The following GPLD1 variants were observed in gnomAD, a reference collection of about 807,000 sequenced individuals.
GPLD1 encodes glycosylphosphatidylinositol specific phospholipase D1.
Under a neutral mutation model 112.6 loss-of-function variants are expected in GPLD1, and 84 were observed. That is an observed-to-expected ratio of 0.75 (90% CI 0.63 to 0.89). The LOEUF (loss-of-function observed/expected upper bound fraction) is 0.89. GPLD1 is among the 40% of genes least tolerant of loss of function. The pLI is 0.00. For synonymous variants in GPLD1, 386 were observed against 403.8 expected, an observed-to-expected ratio of 0.96 and a Z score of 0.53; for missense variants, 1,044 against 1,051.5, an observed-to-expected ratio of 0.99 and a Z score of 0.10.
At chr6:24,437,447 CT>C (rs1762617354) in intron 20 of GPLD1, among the ~76,000 whole-genome samples, 158 bp from the exon 21 acceptor site, 1 of 152,222 alleles carries the variant, frequency 6.6e-6, no homozygotes, top group Non-Finnish European at 1.5e-5. Context: ...GTACAACCAG[CT>C]TGGGCACCAA....
rs889509966 is a variant in GPLD1 at position 24,426,394 on chromosome 6, A to G, written c.*2638T>C. On this transcript the variant is annotated 3_prime_UTR_variant, in exon 25 of 25. Coordinates refer to ENST00000230036, the MANE Select transcript of GPLD1 (RefSeq NM_001503.4). Reference sequence around the variant, plus strand: ...ATGCCAGGTTTTTTACATACGTGCCATATCAGTTGACCTTTTACAGTAGGA... The same window carrying G: ...ATGCCAGGTTTTTTACATACGTGCCGTATCAGTTGACCTTTTACAGTAGGA... Among the ~76,000 whole-genome samples the G allele has an allele frequency of 1.3e-5, 2 of 152,218 alleles. No homozygotes were observed. The highest frequency in any genetic ancestry group is 2.9e-5 in the Non-Finnish European group (2 of 68,042).
intron 22 of GPLD1, 22 bp from the exon 23 acceptor site, chr6:24,433,411 A>C: frequency 6.4e-7 from 1 of 1,565,984 alleles, no homozygotes; most frequent in Non-Finnish European, 8.8e-7. Flanking sequence ...AATTGAGGAG[A>C]GAGACAATGT....
intron 12 of GPLD1, among the ~76,000 whole-genome samples, chr6:24,457,607 G>C (rs1763308696): frequency 6.6e-6 from 1 of 152,144 alleles, no homozygotes; most frequent in Non-Finnish European, 1.5e-5. Flanking sequence ...GACCGGCCAG[G>C]CGTGGTGGCT....
chr6:24,472,540 T>G, intron 7 of GPLD1, 42 bp downstream of exon 7: 5 of 1,140,654 alleles, frequency 4.4e-6, no homozygotes, highest in African/African-American at 1.5e-5. Flanking sequence ...AGGCTCTAAA[T>G]GCCACTTAGA....
chr6:24,428,781 TA>T lies in GPLD1; in HGVS notation c.*250del, dbSNP rs1243804671. 1 of 354,278 alleles carries T rather than the reference TA, an allele frequency of 2.8e-6. No individual in the cohort carries two copies. The highest frequency in any genetic ancestry group is 4.7e-5 in the East Asian group (1 of 21,322). The allele number at this position is 354,278 out of a possible 1,614,324, so 21.9% of individuals were successfully genotyped here. On this transcript the variant is annotated 3_prime_UTR_variant, in exon 25 of 25. Coordinates refer to ENST00000230036, the MANE Select transcript of GPLD1 (RefSeq NM_001503.4). ...TTTAGATGCAAAGGGAGCGAGGAAG[TA>T]AACTGTGGAAGGAGACATGAGTAAG...
chr6:24,430,567 A>T (rs1341545887), intron 24 of GPLD1, among the ~76,000 whole-genome samples: 1 of 150,908 alleles, frequency 6.6e-6, no homozygotes, highest in East Asian at 1.9e-4. Flanking sequence ...CAGCCCCATG[A>T]GAAGTTTCTG....
chr6:24,441,995 CACAT>C (rs1386088736), intron 20 of GPLD1, among the ~76,000 whole-genome samples: 1 of 147,704 alleles, frequency 6.8e-6, no homozygotes, highest in Non-Finnish European at 1.5e-5. Flanking sequence ...TATATATAGA[CACAT>C]ACATGTATAT....
rs1581720553 is a variant in GPLD1 at position 24,427,776 on chromosome 6, G to A, written c.*1256C>T. 6.6e-6 allele frequency among the ~76,000 whole-genome samples: 1 copy of A among 150,786 alleles called. No homozygotes were observed. Among genetic ancestry groups the A allele is most frequent in the African/African-American group, 2.4e-5 (1 of 40,836 alleles). Reference sequence around the variant, plus strand: ...CAGGAGAATCACTTGAACCTGGGAGGCGGAGGTTGCAGTGAGCTGAGATCA... The same window carrying A: ...CAGGAGAATCACTTGAACCTGGGAGACGGAGGTTGCAGTGAGCTGAGATCA... On this transcript the variant is annotated 3_prime_UTR_variant, in exon 25 of 25. Transcript: ENST00000230036.
intron 6 of GPLD1, 131 bp from the exon 7 acceptor site, chr6:24,472,767 G>C (rs1199305389): frequency 3.2e-6 from 2 of 624,228 alleles, no homozygotes; most frequent in Middle Eastern, 3.3e-4. Context: ...CATTGTTTTA[G>C]GTAAAGGCAT....
At chr6:24,475,688 CAAAAAAAA>C (rs35291266) in intron 4 of GPLD1, among the ~76,000 whole-genome samples, 22 of 113,282 alleles carry the variant, frequency 1.9e-4, no homozygotes, top group South Asian at 1.5e-3. Flanking sequence ...ACTAAAAATA[CAAAAAAAA>C]AAAAAAAAAA....
chr6:24,449,495 T>C (rs1201650461), intron 15 of GPLD1, among the ~76,000 whole-genome samples: 1 of 151,996 alleles, frequency 6.6e-6, no homozygotes, highest in African/African-American at 2.4e-5. Context: ...GGGATTTCTG[T>C]CTCCCTTCAC....
In GPLD1 at chr6:24,489,525, A is replaced by G. The variant is rs1323140861; in HGVS notation, c.-14T>C. 6.8e-6 allele frequency: 11 copies of G among 1,613,884 alleles called. No individual in the cohort carries two copies. In the African/African-American group the frequency reaches 1.2e-4, roughly 18 times the overall value. On this transcript the variant is annotated 5_prime_UTR_variant, in exon 1 of 25. Coordinates refer to ENST00000230036, the MANE Select transcript of GPLD1 (RefSeq NM_001503.4). ...GAAAGCAGACATGATCTCATTGCCC[A>G]CCGGCTTCTCTGGTGACGTGGGAAT... is the stretch of plus-strand genomic sequence containing the variant.
At chr6:24,458,802 C>T (rs374470289) in intron 12 of GPLD1, among the ~76,000 whole-genome samples, 13 of 151,614 alleles carry the variant, frequency 8.6e-5, no homozygotes, top group Non-Finnish European at 1.6e-4. Flanking sequence ...TGCTTGAACC[C>T]GGGAGGCAGA....
At chr6:24,456,707 C>G in intron 12 of GPLD1, 70 bp from the exon 13 acceptor site, 1 of 1,041,478 alleles carries the variant, frequency 9.6e-7, no homozygotes, top group Non-Finnish European at 1.4e-6. Context: ...GTTTCCTGTC[C>G]AAAGTATTGG....
At chr6:24,494,235 G>T (rs16889393), upstream of GPLD1, among the ~76,000 whole-genome samples, 1 of 152,128 alleles carries the variant, frequency 6.6e-6, no homozygotes, top group Non-Finnish European at 1.5e-5. Flanking sequence ...AGCATTTTAC[G>T]TTATCTCACA....
At chr6:24,424,902 C>T (rs1762176677), downstream of GPLD1, 1 of 152,162 alleles carries the variant, frequency 6.6e-6, no homozygotes, top group Non-Finnish European at 1.5e-5. Context: ...ACTCCCGTCG[C>T]TGATTTGGAA....
chr6:24,470,591 A>T (rs539892038), intron 7 of GPLD1, among the ~76,000 whole-genome samples: 4 of 151,588 alleles, frequency 2.6e-5, no homozygotes, highest in South Asian at 2.1e-4. Flanking sequence ...TGAATGGTAA[A>T]TTTTTTTTTC....
chr6:24,461,671 C>A (rs533122531), intron 11 of GPLD1, among the ~76,000 whole-genome samples: 20 of 152,292 alleles, frequency 1.3e-4, no homozygotes, highest in Non-Finnish European at 2.2e-4. Context: ...CAGGCCAGGA[C>A]GCTTGCAAAT....
intron 13 of GPLD1, among the ~76,000 whole-genome samples, chr6:24,454,889 G>A (rs1763217814): frequency 6.6e-6 from 1 of 152,224 alleles, no homozygotes; most frequent in African/African-American, 2.4e-5. Flanking sequence ...AGCACTTTGG[G>A]AGGCCAAGGC....
Sources: gnomAD v4.1 joint callset for allele counts (sites outside exome capture counted in the v4.1 genomes callset) on GRCh38, gnomAD v4.1.1 for gene constraint, MANE v1.5 for transcripts, NCBI Gene and HGNC (gene_info 2026-07-23, HGNC 2026-07-21) for gene names.